Variants in GP6 observed in about 807,000 individuals in gnomAD.
GP6 encodes platelet glycoprotein VI.
Under a neutral mutation model 37.3 loss-of-function variants are expected in GP6, and 45 were observed. The observed-to-expected ratio is 1.21, with a 90% CI of 0.95 to 1.55. The LOEUF is 1.55. GP6 is among the 40% of genes most tolerant of loss of function. The pLI is 0.00. For missense variants in GP6, 813 were observed against 760.2 expected (o/e 1.07, Z -0.82); for synonymous variants, 340 against 316.4 (o/e 1.07, Z -0.79).
rs778421895 is a variant in GP6, at chr19:55,027,674, C to T, written c.514G>A (p.Ala172Thr). The T allele has an allele frequency of 1.1e-5, 18 of 1,611,656 alleles. No individual in the cohort carries two copies. Among genetic ancestry groups the T allele is most frequent in the Non-Finnish European group, 1.5e-5 (18 of 1,177,838 alleles). Residue 172 changes from alanine to threonine, a missense_variant, in exon 4 of 8, where the codon GCC (alanine) becomes ACC (threonine). Ala to Thr is a moderately conservative substitution (Grantham distance 58, BLOSUM62 0). Coordinates refer to ENST00000310373, the MANE Select transcript of GP6 (RefSeq NM_001083899.2). ...CATCGGTAGGTTCCGCTGTGGGCGG[C>T]GGTCACCGTGATGATGGGAAAACTA...
At chr19:55,032,825 G>A (rs1439636649) in intron 1 of GP6, 3 of 581,838 alleles carry the variant, frequency 5.2e-6, no homozygotes, top group East Asian at 2.9e-5. Context: ...AGGCATGGTG[G>A]CGTACTGCTC....
chr19:55,020,961 A>G (rs1453224810), intron 5 of GP6, among the ~76,000 whole-genome samples: 2 of 150,458 alleles, frequency 1.3e-5, no homozygotes, highest in Non-Finnish European at 3.0e-5. Context: ...CTGAGGCAGG[A>G]GAATCACTTG....
chr19:55,020,989 C>A (rs1172161437), intron 5 of GP6, among the ~76,000 whole-genome samples: 1 of 144,706 alleles, frequency 6.9e-6, no homozygotes, highest in Admixed American at 7.3e-5. Context: ...GAGGCAGAGG[C>A]TGCAGTGAGC....
At chr19:55,018,328 A>G (rs532092143) in intron 6 of GP6, among the ~76,000 whole-genome samples, 1 of 152,356 alleles carries the variant, frequency 6.6e-6, no homozygotes, top group Admixed American at 6.5e-5. Flanking sequence ...ACCTGGACAC[A>G]GTGAGGAGCG....
chr19:55,033,768 C>G (rs1308200996), intron 1 of GP6, among the ~76,000 whole-genome samples: 5 of 152,010 alleles, frequency 3.3e-5, no homozygotes, highest in Non-Finnish European at 7.4e-5. Context: ...GATAAAACCC[C>G]ACACTAATGG....
chr19:55,017,601 CTG>C (rs1229499405), intron 6 of GP6, among the ~76,000 whole-genome samples: 1 of 152,050 alleles, frequency 6.6e-6, no homozygotes, highest in African/African-American at 2.4e-5. Context: ...CTTCAAGTGA[CTG>C]TGTGTGGCTG....
chr19:55,021,646 G>A (rs1327331727), intron 5 of GP6, among the ~76,000 whole-genome samples: 10 of 146,612 alleles, frequency 6.8e-5, no homozygotes, highest in East Asian at 2.2e-4. Context: ...TCAGCCTCCC[G>A]AATAGCTGGG....
intron 5 of GP6, among the ~76,000 whole-genome samples, chr19:55,024,318 A>ACACACACGCACGCATG (rs2074209675): frequency 2.4e-5 from 3 of 124,100 alleles, no homozygotes; most frequent in Admixed American, 8.4e-5. Flanking sequence ...ATATGCACGC[A>ACACACACGCACGCATG]CACACACATA....
chr19:55,017,879 C>A (rs1048146739), intron 6 of GP6, among the ~76,000 whole-genome samples: 2 of 145,356 alleles, frequency 1.4e-5, no homozygotes, highest in Non-Finnish European at 3.0e-5. Flanking sequence ...GACCAGCCTT[C>A]CCAAGATGCT....
chr19:55,020,464 T>TG (rs1160326237), intron 5 of GP6, among the ~76,000 whole-genome samples: 1 of 152,146 alleles, frequency 6.6e-6, no homozygotes, highest in African/African-American at 2.4e-5. Flanking sequence ...AGTGAGAACA[T>TG]GCAGTGTTTG....
At chr19:55,023,076 TG>T in intron 5 of GP6, among the ~76,000 whole-genome samples, 1 of 152,226 alleles carries the variant, frequency 6.6e-6, no homozygotes, top group East Asian at 1.9e-4. Context: ...AGAACAAAGC[TG>T]GAGGCCTCAG....
chr19:55,015,885 CCCAGCA>C, intron 6 of GP6, 152 bp from the exon 7 acceptor site: 1 of 697,676 alleles, frequency 1.4e-6, no homozygotes, highest in South Asian at 1.5e-5. Context: ...TGCCTATAAT[CCCAGCA>C]CTTTGGGAGG....
chr19:55,034,186 G>A (rs1419416095), intron 1 of GP6, among the ~76,000 whole-genome samples: 8 of 144,452 alleles, frequency 5.5e-5, no homozygotes, highest in Non-Finnish European at 1.5e-5. Context: ...GTATACATAT[G>A]TATACAAATA....
rs762615626 is a variant in GP6, at chr19:55,027,864, T to C, written c.326-2A>G. ...AGAGCGAGGGTTTGGCAAAAACTCC[T>C]GGGAGAAAAAGAAAGTCTGATGTTG... On this transcript the variant is annotated splice_acceptor_variant, in intron 3 of 7. Transcript: ENST00000310373. LOFTEE classifies it high-confidence loss of function. 3 of 1,614,060 alleles carry C rather than the reference T, an allele frequency of 1.9e-6. No individual in the cohort carries two copies. In the South Asian group the frequency reaches 3.3e-5, roughly 18 times the overall value.
At chr19:55,029,228 C>CT (rs1461543942) in intron 3 of GP6, among the ~76,000 whole-genome samples, 2 of 133,440 alleles carry the variant, frequency 1.5e-5, no homozygotes, top group East Asian at 2.2e-4. Context: ...TGTCTGTATT[C>CT]TTTTTTTGTT....
At chr19:55,021,469 TC>T (rs1277934742) in intron 5 of GP6, among the ~76,000 whole-genome samples, 2 of 151,456 alleles carry the variant, frequency 1.3e-5, no homozygotes, top group African/African-American at 4.8e-5. Flanking sequence ...GTAAAAGCAT[TC>T]CTATTTCTCC....
chr19:55,025,397 A>G (rs1300985426), intron 4 of GP6, 126 bp from the exon 5 acceptor site: 2 of 723,532 alleles, frequency 2.8e-6, no homozygotes, highest in African/African-American at 3.5e-5. Flanking sequence ...ACATCACTGG[A>G]CTGTTGTGGA....
chr19:55,024,078 C>T (rs1381702937), intron 5 of GP6, among the ~76,000 whole-genome samples: 1 of 152,186 alleles, frequency 6.6e-6, no homozygotes, highest in African/African-American at 2.4e-5. Flanking sequence ...AACTAGACAC[C>T]TACTTTATGC....
intron 1 of GP6, among the ~76,000 whole-genome samples, chr19:55,034,248 T>C (rs1351241930): frequency 6.6e-6 from 1 of 151,776 alleles, no homozygotes; most frequent in Non-Finnish European, 1.5e-5. Context: ...GGAGGTCAAG[T>C]CTGCTGTGAG....
Sources: allele counts gnomAD v4.1 joint callset (sites outside exome capture counted in the v4.1 genomes callset), GRCh38; gene constraint gnomAD v4.1.1; transcripts MANE v1.5; gene names NCBI Gene and HGNC (gene_info 2026-07-23, HGNC 2026-07-21).